ARHGEF10L: variants seen among roughly 807,000 people sequenced by gnomAD.
The protein encoded by ARHGEF10L is Rho guanine nucleotide exchange factor 10 like, also known as rho guanine nucleotide exchange factor 10-like protein.
A neutral mutation model predicts 141.2 loss-of-function variants in ARHGEF10L; 69 were observed. The observed-to-expected ratio is 0.49, with a 90% confidence interval of 0.40 to 0.60. The LOEUF (loss-of-function observed/expected upper bound fraction) is 0.60. Ranked by LOEUF, ARHGEF10L falls within the 20% of genes least tolerant of loss-of-function variation. The probability of loss-of-function intolerance (pLI) is 0.00; values close to 1 mark genes in which losing one functional copy is unlikely to be tolerated. For missense variants in ARHGEF10L, 1,482 were observed against 1,734.3 expected, an observed-to-expected ratio of 0.85 and a Z score of 2.58; for synonymous variants, 711 against 718.5, an observed-to-expected ratio of 0.99 and a Z score of 0.17.
At chr1:17,682,227 G>A (rs1382736615) in intron 26 of ARHGEF10L, among the ~76,000 whole-genome samples, 1 of 152,164 alleles carries the variant, frequency 6.6e-6, no homozygotes, top group African/African-American at 2.4e-5. Context: ...CAGGGCCAGG[G>A]AAGAACTCTC....
chr1:17,632,570 A>T, intron 16 of ARHGEF10L, 104 bp downstream of exon 16: 1 of 1,469,544 alleles, frequency 6.8e-7, no homozygotes, highest in Non-Finnish European at 9.4e-7. Context: ...ACCCCATGTG[A>T]GCTTGGTTTA....
chr1:17,603,654 G>A lies in ARHGEF10L; in HGVS notation c.433+63G>A. 1 of 1,443,772 alleles carries A rather than the reference G, an allele frequency of 6.9e-7. No individual in the cohort carries two copies. Among genetic ancestry groups the A allele is most frequent in the East Asian group, 2.6e-5 (1 of 38,038 alleles). 89.4% of individuals were successfully genotyped at this position (1,443,772 alleles called of 1,614,324 possible). A position where few individuals can be genotyped will look rare whatever the true frequency, so the allele number is the denominator to read the frequency against. On this transcript the variant is annotated intron_variant, in intron 6 of 28. Transcript: ENST00000361221. The surrounding 1 kb of genome is among the most constrained non-coding windows in gnomAD (Gnocchi z 4.8). ...ACAGGGGAGGGAGGCTGGGACTGGGGAGGGTTGTCTCTTTCCGTTTCCTTC... is the reference window on the plus strand; with the variant it reads ...ACAGGGGAGGGAGGCTGGGACTGGGAAGGGTTGTCTCTTTCCGTTTCCTTC...
chr1:17,588,192 G>A (rs1037166732), intron 3 of ARHGEF10L, among the ~76,000 whole-genome samples: 4 of 151,956 alleles, frequency 2.6e-5, no homozygotes, highest in Admixed American at 2.6e-4. Context: ...GCCCAGAGCA[G>A]GCAGGGTGGC....
intron 21 of ARHGEF10L, among the ~76,000 whole-genome samples, chr1:17,646,376 C>T (rs2101905160): frequency 6.6e-6 from 1 of 152,322 alleles, no homozygotes; most frequent in Non-Finnish European, 1.5e-5. Context: ...GTCGTGGGTA[C>T]ATCTGACAAA....
chr1:17,604,871 C>T (rs1437667671), intron 6 of ARHGEF10L: 5 of 152,226 alleles, frequency 3.3e-5, no homozygotes, highest in Non-Finnish European at 7.3e-5. Context: ...TGAATTCAAT[C>T]AAGTCACTAA....
intron 21 of ARHGEF10L, among the ~76,000 whole-genome samples, chr1:17,645,754 G>A (rs755148399): frequency 1.4e-4 from 22 of 152,246 alleles, no homozygotes; most frequent in Non-Finnish European, 2.6e-4. Flanking sequence ...AGGCGCCCCC[G>A]TGGGTTAGTT....
chr1:17,584,880 C>T (rs906196429), intron 2 of ARHGEF10L, among the ~76,000 whole-genome samples: 2 of 151,794 alleles, frequency 1.3e-5, no homozygotes, highest in South Asian at 4.2e-4. Flanking sequence ...CACACACACA[C>T]CCCTACCCAA....
At chr1:17,681,513 A>C (rs2064125941) in intron 26 of ARHGEF10L, among the ~76,000 whole-genome samples, 1 of 152,076 alleles carries the variant, frequency 6.6e-6, no homozygotes, top group South Asian at 2.1e-4. Flanking sequence ...TTTCTTCATG[A>C]TATTGACTTT....
chr1:17,631,164 A>G (rs1236212976), intron 15 of ARHGEF10L, among the ~76,000 whole-genome samples: 1 of 151,938 alleles, frequency 6.6e-6, no homozygotes, highest in Admixed American at 6.5e-5. Context: ...GCTCGGGGTG[A>G]TCTGTCCTTT....
rs1363012708 is a variant in ARHGEF10L at position 17,615,291 on chromosome 1, C to T, written c.727-803C>T. The T allele has an allele frequency of 6.6e-6, 1 of 152,258 alleles. No individual in the cohort carries two copies. Among genetic ancestry groups the T allele is most frequent in the Non-Finnish European group, 1.5e-5 (1 of 68,074 alleles). The allele number at this position is 152,258 out of a possible 1,614,324, so 9.4% of individuals were successfully genotyped here. ...GAGGACAAAGGACTGGCTGAGGGGACAGCAGCTCTGTCAGGCCTGGGTTCC... is the reference window on the plus strand; with the variant it reads ...GAGGACAAAGGACTGGCTGAGGGGATAGCAGCTCTGTCAGGCCTGGGTTCC... On this transcript the variant is annotated intron_variant, in intron 8 of 28. Transcript: ENST00000361221. The surrounding 1 kb of genome is among the most constrained non-coding windows in gnomAD (Gnocchi z 4.7).
chr1:17,527,365 G>A, the ARHGEF10L span, among the ~76,000 whole-genome samples: 1 of 152,170 alleles, frequency 6.6e-6, no homozygotes, highest in Non-Finnish European at 1.5e-5. Context: ...TAGCCTCCTG[G>A]CGGGTGCTCC....
rs1244312476 is a variant in ARHGEF10L at position 17,603,930 on chromosome 1, A to G, written c.433+339A>G. The stretch of plus-strand genomic sequence containing the variant: ...GTTGGGGAAGACGACAGACTGTTAC[A>G]CTCAAAGGGTGAAGCAGATAAAGCT... On this transcript the variant is annotated intron_variant, in intron 6 of 28. Transcript: ENST00000361221. This position sits in a 1 kb window ranked among gnomAD's most constrained non-coding sequence, Gnocchi z 4.8. Among the ~76,000 whole-genome samples, 1 of 151,998 alleles carries G rather than the reference A, an allele frequency of 6.6e-6. No individual in the cohort carries two copies. The highest frequency in any genetic ancestry group is 1.5e-5 in the Non-Finnish European group (1 of 68,002).
intron 26 of ARHGEF10L, among the ~76,000 whole-genome samples, chr1:17,679,482 G>A (rs551606925): frequency 3.9e-5 from 6 of 152,280 alleles, no homozygotes; most frequent in South Asian, 2.1e-4. Flanking sequence ...TTCCAGTGCC[G>A]CAGCCTGGAC....
intron 9 of ARHGEF10L, chr1:17,618,230 C>T: frequency 8.1e-7 from 1 of 1,238,372 alleles, no homozygotes; most frequent in Non-Finnish European, 1.1e-6. Flanking sequence ...CTCCCAACCC[C>T]AGGCTGGCTA....
chr1:17,677,822 T>G (rs1378880258), intron 26 of ARHGEF10L, among the ~76,000 whole-genome samples: 1 of 152,252 alleles, frequency 6.6e-6, no homozygotes, highest in African/African-American at 2.4e-5. Context: ...TCCGGGCCTG[T>G]GGGTTTATTG....
intron 1 of ARHGEF10L, among the ~76,000 whole-genome samples, chr1:17,556,273 G>A (rs867164328): frequency 3.9e-5 from 2 of 50,788 alleles, no homozygotes; most frequent in Non-Finnish European, 3.7e-5. Flanking sequence ...GCATGGCGGC[G>A]GGGGGGGGGC....
At chr1:17,534,925 A>G (rs1029649666), upstream of ARHGEF10L, among the ~76,000 whole-genome samples, 3 of 151,656 alleles carry the variant, frequency 2.0e-5, no homozygotes, top group African/African-American at 7.3e-5. Context: ...AGGCCCTCAA[A>G]CTTTTTGGCC....
intron 9 of ARHGEF10L, chr1:17,618,423 C>CG: frequency 6.5e-7 from 1 of 1,532,214 alleles, no homozygotes; most frequent in Non-Finnish European, 8.8e-7. Flanking sequence ...GAGTGATGCC[C>CG]GGGGCGTGAT....
At chr1:17,594,509 T>C (rs925356944) in intron 4 of ARHGEF10L, among the ~76,000 whole-genome samples, 1 of 151,926 alleles carries the variant, frequency 6.6e-6, no homozygotes, top group Non-Finnish European at 1.5e-5. Flanking sequence ...TGAGATGGAG[T>C]CTCTGTCGCC....
Sources: allele counts gnomAD v4.1 joint callset (sites outside exome capture counted in the v4.1 genomes callset), GRCh38; gene constraint gnomAD v4.1.1; non-coding constraint Gnocchi (gnomAD v3.1); transcripts MANE v1.5; gene names NCBI Gene and HGNC (gene_info 2026-07-23, HGNC 2026-07-21).